Variants in NFIA observed in about 807,000 individuals in gnomAD.
NFIA encodes nuclear factor I A.
In NFIA, 8 loss-of-function variants were observed where a neutral mutation model predicts 62.8. The observed-to-expected ratio is 0.13, with a 90% CI of 0.07 to 0.23. The LOEUF (loss-of-function observed/expected upper bound fraction) is 0.23. Among genes scored for constraint, NFIA ranks in the 10% least tolerant of loss-of-function variants. The pLI is 1.00. For missense variants in NFIA, 410 were observed against 642.1 expected (o/e 0.64, Z 3.91); for synonymous variants, 235 against 238.1 (o/e 0.99, Z 0.12).
chr1:61,406,742 G>T lies in NFIA; in HGVS notation c.1420+15G>T. Reference sequence around the variant, plus strand: ...CACGTCACCAAGTAAGTATGGCTGCGACAAGGCGCCGGTCACTTCTAAAGC... The same window carrying T: ...CACGTCACCAAGTAAGTATGGCTGCTACAAGGCGCCGGTCACTTCTAAAGC... On this transcript the variant is annotated intron_variant, in intron 9 of 10. Coordinates refer to ENST00000403491, the MANE Select transcript of NFIA (RefSeq NM_001134673.4). The T allele has an allele frequency of 6.3e-7, 1 of 1,592,090 alleles. No homozygotes were observed. The highest frequency in any genetic ancestry group is 8.6e-7 in the Non-Finnish European group (1 of 1,168,824).
intron 3 of NFIA, among the ~76,000 whole-genome samples, chr1:61,278,880 T>C (rs1455740043): frequency 6.6e-6 from 1 of 152,188 alleles, no homozygotes; most frequent in Non-Finnish European, 1.5e-5. Flanking sequence ...AATAGGTTAT[T>C]TAACCTCTCA....
intron 3 of NFIA, among the ~76,000 whole-genome samples, chr1:61,328,826 G>A (rs982688231): frequency 6.8e-5 from 10 of 146,584 alleles, no homozygotes; most frequent in Admixed American, 5.5e-4. Flanking sequence ...GGGTTCAAAT[G>A]ATTCTCCTGC....
intron 3 of NFIA, among the ~76,000 whole-genome samples, chr1:61,328,827 A>C (rs909630574): frequency 6.8e-6 from 1 of 146,058 alleles, no homozygotes; most frequent in African/African-American, 2.6e-5. Flanking sequence ...GGTTCAAATG[A>C]TTCTCCTGCC....
chr1:61,261,497 T>C (rs1196426910), intron 2 of NFIA, among the ~76,000 whole-genome samples: 1 of 152,254 alleles, frequency 6.6e-6, no homozygotes, highest in Non-Finnish European at 1.5e-5. Flanking sequence ...TAGACTAGCC[T>C]AAGCTGTAAT....
intron 10 of NFIA, among the ~76,000 whole-genome samples, chr1:61,437,599 A>G (rs1667387059): frequency 6.6e-6 from 1 of 152,242 alleles, no homozygotes; most frequent in Non-Finnish European, 1.5e-5. Flanking sequence ...CCTGCCGTAC[A>G]TAGCTCACAG....
At chr1:61,439,506 T>C (rs1240521159) in intron 10 of NFIA, 1 of 152,208 alleles carries the variant, frequency 6.6e-6, no homozygotes, top group Non-Finnish European at 1.5e-5. Context: ...TCCGATGGTG[T>C]GGACCTGAGC....
In NFIA at chr1:61,293,564, T is replaced by A. The variant is rs1659019021; in HGVS notation, c.625+15979T>A. Among the ~76,000 whole-genome samples, 3 of 152,214 alleles carry A rather than the reference T, an allele frequency of 2.0e-5. No individual in the cohort carries two copies. In the South Asian group the frequency reaches 6.2e-4, roughly 32 times the overall value. On this transcript the variant is annotated intron_variant, in intron 3 of 10. Transcript: ENST00000403491. ...GCTTGCTGACTGACTGGCTGACAGCTAGAAAGCATCCATAAATGAGAGATG... is the reference window on the plus strand; with the variant it reads ...GCTTGCTGACTGACTGGCTGACAGCAAGAAAGCATCCATAAATGAGAGATG...
chr1:61,363,926 T>C (rs147936320), intron 6 of NFIA, among the ~76,000 whole-genome samples: 123 of 150,604 alleles, frequency 8.2e-4, no homozygotes, highest in African/African-American at 2.9e-3. Flanking sequence ...ACTGTTTTGC[T>C]TTCTTTACAT....
intron 3 of NFIA, among the ~76,000 whole-genome samples, chr1:61,321,395 TTGACA>T (rs763730292): frequency 6.6e-6 from 1 of 151,420 alleles, no homozygotes; most frequent in Non-Finnish European, 1.5e-5. Context: ...AAATAATTTG[TTGACA>T]TGACGAGAGA....
rs970748331 is a variant in NFIA at position 61,082,889 on chromosome 1, G to A, written c.27+71G>A. The A allele has an allele frequency of 1.0e-5, 15 of 1,453,578 alleles. No individual in the cohort carries two copies. The East Asian group carries it at 3.2e-4, about 31-fold the overall frequency. The allele number at this position is 1,453,578 out of a possible 1,614,324, so 90.0% of individuals were successfully genotyped here. On this transcript the variant is annotated intron_variant, in intron 1 of 10. Coordinates refer to ENST00000403491, the MANE Select transcript of NFIA (RefSeq NM_001134673.4). ...GGGGCAGGGCTGGGGCTGGGTGGGG[G>A]GCACCGGGGCCGTCGCTCCGGCCGG... is the stretch of plus-strand genomic sequence containing the variant.
chr1:61,131,750 A>G (rs899482788), intron 2 of NFIA, among the ~76,000 whole-genome samples: 1 of 152,220 alleles, frequency 6.6e-6, no homozygotes, highest in African/African-American at 2.4e-5. Context: ...ATTTATGGCA[A>G]TAATTTTTAA....
rs1326684745 is a variant in NFIA at position 61,460,777 on chromosome 1, G to T, written c.*5457G>T. On this transcript the variant is annotated 3_prime_UTR_variant, in exon 11 of 11. Transcript: ENST00000403491. ...TGTCAGTCAGGACCTTCTGGTATAG[G>T]TGATGTAAAATAACCGTACAATATT... 1.3e-5 allele frequency: 2 copies of T among 152,170 alleles called. No individual in the cohort carries two copies. The highest frequency in any genetic ancestry group is 1.5e-5 in the Non-Finnish European group (1 of 68,034). The allele number at this position is 152,170 out of a possible 1,614,324, so 9.4% of individuals were successfully genotyped here.
chr1:61,420,372 G>A (rs1182019156), intron 9 of NFIA, among the ~76,000 whole-genome samples: 1 of 150,892 alleles, frequency 6.6e-6, no homozygotes, highest in Non-Finnish European at 1.5e-5. Context: ...TTTTCTCACA[G>A]GACCTTTTTT....
chr1:61,179,444 A>C (rs943296376), intron 2 of NFIA, among the ~76,000 whole-genome samples: 1 of 152,238 alleles, frequency 6.6e-6, no homozygotes, highest in African/African-American at 2.4e-5. Context: ...TTTCTCAGCT[A>C]TAAAGTGGAC....
At chr1:61,290,263 T>TA (rs1658791673) in intron 3 of NFIA, among the ~76,000 whole-genome samples, 1 of 152,106 alleles carries the variant, frequency 6.6e-6, no homozygotes, top group Non-Finnish European at 1.5e-5. Context: ...ATAAAACAAT[T>TA]ATGATTGCCA....
chr1:61,209,606 CTGAGGTCAGGAGTT>C (rs1553161720), intron 2 of NFIA, among the ~76,000 whole-genome samples: 1 of 151,848 alleles, frequency 6.6e-6, no homozygotes, highest in Non-Finnish European at 1.5e-5. Context: ...GGTGGATCAC[CTGAGGTCAGGAGTT>C]TGAGACCAAT....
chr1:61,290,765 C>T (rs891092101), intron 3 of NFIA, among the ~76,000 whole-genome samples: 12 of 152,166 alleles, frequency 7.9e-5, no homozygotes, highest in African/African-American at 2.7e-4. Context: ...AACCTTAGCA[C>T]GTGCTCCACC....
intron 2 of NFIA, among the ~76,000 whole-genome samples, chr1:61,273,227 A>G (rs1214333104): frequency 6.6e-6 from 1 of 152,104 alleles, no homozygotes; most frequent in Non-Finnish European, 1.5e-5. Flanking sequence ...AATCATTGTA[A>G]TTTTTAAATG....
At chr1:61,329,527 C>A (rs928594223) in intron 3 of NFIA, among the ~76,000 whole-genome samples, 1 of 151,756 alleles carries the variant, frequency 6.6e-6, no homozygotes, top group African/African-American at 2.4e-5. Flanking sequence ...GGATTACAGG[C>A]GCTCGCCACC....
Sources: allele counts gnomAD v4.1 joint callset (sites outside exome capture counted in the v4.1 genomes callset), GRCh38; gene constraint gnomAD v4.1.1; transcripts MANE v1.5; gene names NCBI Gene and HGNC (gene_info 2026-07-23, HGNC 2026-07-21).